Variants in RBM26 observed in about 807,000 individuals in gnomAD.
The protein encoded by RBM26 is RNA binding motif protein 26, also known as RNA-binding protein 26.
In RBM26, 30 loss-of-function variants were observed where a neutral mutation model predicts 123.6. That is an observed-to-expected ratio of 0.24 (90% CI 0.18 to 0.33). The LOEUF (loss-of-function observed/expected upper bound fraction) is 0.33. Among genes scored for constraint, RBM26 ranks in the 10% least tolerant of loss-of-function variants. RBM26 has a pLI of 1.00. For synonymous variants in RBM26, 400 were observed against 404.4 expected (o/e 0.99, Z 0.13); for missense variants, 947 against 1,203.6 (o/e 0.79, Z 3.15).
exon 5 of RBM26, chr13:79,313,353 CTTTGTT>C (rs2066953230): frequency 1.8e-5 from 2 of 109,846 alleles, no homozygotes; most frequent in South Asian, 6.1e-4. Context: ...TTTTGTTTTG[CTTTGTT>C]TTTAATTTTA....
intron 1 of RBM26, among the ~76,000 whole-genome samples, chr13:79,396,965 A>ATGACC (rs956804549): frequency 1.3e-5 from 2 of 152,214 alleles, no homozygotes; most frequent in African/African-American, 4.8e-5. Context: ...AGATCACCTG[A>ATGACC]GGTCAGGAGT....
chr13:79,319,377 T>G lies in RBM26; in HGVS notation c.*1244A>C. 1.0e-6 allele frequency: 1 copy of G among 984,490 alleles called. No homozygotes were observed. The highest frequency in any genetic ancestry group is 1.2e-6 in the Non-Finnish European group (1 of 829,246). 61.0% of individuals were successfully genotyped at this position (984,490 alleles called of 1,614,324 possible). A position where few individuals can be genotyped will look rare whatever the true frequency, so the allele number is the denominator to read the frequency against. ...TCTCCCACCCCCATTCTACAAAGAA[T>G]GCATTTATTTCCTGGAAACTGCCAT... On this transcript the variant is annotated 3_prime_UTR_variant, in exon 22 of 22. Coordinates refer to ENST00000438737, the MANE Select transcript of RBM26 (RefSeq NM_001366735.2).
In RBM26 at chr13:79,365,701, C is replaced by T. The variant is rs1355184271; in HGVS notation, c.1294G>A (p.Gly432Ser). 4 of 1,613,488 alleles carry T rather than the reference C, an allele frequency of 2.5e-6. No individual in the cohort carries two copies. Among genetic ancestry groups the T allele is most frequent in the Non-Finnish European group, 3.4e-6 (4 of 1,179,674 alleles). The change falls in exon 9 of 22, where the codon GGC becomes AGC. Residue 432 changes from glycine (G) to serine (S), a missense_variant. By Grantham distance (56) the Gly-to-Ser change is moderately conservative. Around this residue, in one of 5 missense-constraint regions of RBM26, gnomAD observed 493 missense variants for 563.1 expected, o/e 0.88. Coordinates refer to ENST00000438737, the MANE Select transcript of RBM26 (RefSeq NM_001366735.2). ...LFTADTYDTD[G>S]YNPEAPSITN... ...ATGCTTGGGGCTTCAGGATTGTAGC[C>T]ATCTGTGTCATATGTATCTGGTAAT...
At chr13:79,392,039 A>T (rs1292945572) in intron 1 of RBM26, among the ~76,000 whole-genome samples, 1 of 99,004 alleles carries the variant, frequency 1.0e-5, no homozygotes, top group Non-Finnish European at 2.1e-5. Flanking sequence ...ATTATATATT[A>T]TACAATACAT....
chr13:79,396,027 C>G lies in RBM26; in HGVS notation c.71+9677G>C, dbSNP rs187712126. 2.1e-3 allele frequency among the ~76,000 whole-genome samples: 326 copies of G among 152,214 alleles called. 1 individual carries two copies. Among genetic ancestry groups the G allele is most frequent in the Admixed American group, 6.1e-3 (93 of 15,298 alleles). On this transcript the variant is annotated intron_variant, in intron 1 of 21. Coordinates refer to ENST00000438737, the MANE Select transcript of RBM26 (RefSeq NM_001366735.2). ...GATAAAACACATAAACACAGACAGA[C>G]AAGCCTATCATCGTCAAACTGCTGA...
In RBM26 at chr13:79,377,363, T is replaced by C. The variant is rs1167501580; in HGVS notation, c.327+16A>G. The C allele has an allele frequency of 1.9e-6, 3 of 1,607,726 alleles. No individual in the cohort carries two copies. In the Admixed American group the frequency reaches 5.0e-5, roughly 27 times the overall value. ...TGTGTTTAAATAACCTGTAAGGTATTAACACAAATCGTTACCTCTTCCTTC... is the reference window on the plus strand; with the variant it reads ...TGTGTTTAAATAACCTGTAAGGTATCAACACAAATCGTTACCTCTTCCTTC... On this transcript the variant is annotated intron_variant, in intron 3 of 21. Transcript: ENST00000438737.
chr13:79,333,007 T>C (rs1306457017), intron 20 of RBM26, among the ~76,000 whole-genome samples: 1 of 152,096 alleles, frequency 6.6e-6, no homozygotes, highest in Non-Finnish European at 1.5e-5. Flanking sequence ...AATACCACTA[T>C]TCCCTAGAAA....
At chr13:79,362,361 T>A (rs1221459895) in intron 9 of RBM26, among the ~76,000 whole-genome samples, 1 of 152,146 alleles carries the variant, frequency 6.6e-6, no homozygotes, top group Non-Finnish European at 1.5e-5. Flanking sequence ...TCATTTCTAT[T>A]ATTACCCTAG....
intron 11 of RBM26, among the ~76,000 whole-genome samples, chr13:79,357,138 G>A (rs368174002): frequency 1.1e-4 from 17 of 152,154 alleles, no homozygotes; most frequent in East Asian, 7.7e-4. Context: ...ATTATAGATG[G>A]GCAGGGGAAT....
At chr13:79,377,303 T>C (rs1444496705) in intron 3 of RBM26, 76 bp downstream of exon 3, 8 of 1,308,374 alleles carry the variant, frequency 6.1e-6, no homozygotes, top group Non-Finnish European at 2.2e-6. Context: ...CACAAAGATA[T>C]AGAAGATAAA....
At chr13:79,331,539 C>A (rs1382054748) in intron 20 of RBM26, among the ~76,000 whole-genome samples, 2 of 150,110 alleles carry the variant, frequency 1.3e-5, no homozygotes. Flanking sequence ...GAGGCTGAGG[C>A]AGGAGAATGG....
At chr13:79,354,977 C>T (rs1371773856) in intron 12 of RBM26, among the ~76,000 whole-genome samples, 4 of 152,174 alleles carry the variant, frequency 2.6e-5, no homozygotes, top group South Asian at 2.1e-4. Context: ...CTATCTGCCA[C>T]GGACTATTCC....
intron 1 of RBM26, among the ~76,000 whole-genome samples, chr13:79,380,421 ATAAAC>A (rs988840231): frequency 4.6e-5 from 7 of 152,158 alleles, no homozygotes; most frequent in African/African-American, 1.7e-4. Flanking sequence ...GGAAGGATAA[ATAAAC>A]TACGGCTATC....
At chr13:79,337,667 A>G (rs976906550) in intron 18 of RBM26, among the ~76,000 whole-genome samples, 1 of 152,234 alleles carries the variant, frequency 6.6e-6, no homozygotes, top group Admixed American at 6.5e-5. Context: ...CTACATTCAC[A>G]ATAAATACAT....
intron 11 of RBM26, among the ~76,000 whole-genome samples, chr13:79,356,325 T>C (rs1465462771): frequency 7.1e-6 from 1 of 140,848 alleles, no homozygotes; most frequent in African/African-American, 2.6e-5. Flanking sequence ...ACCGTAATCA[T>C]GCCACCTCAC....
chr13:79,371,535 T>G (rs962582308), intron 4 of RBM26, among the ~76,000 whole-genome samples: 1 of 151,876 alleles, frequency 6.6e-6, no homozygotes, highest in Non-Finnish European at 1.5e-5. Context: ...AGAAAAACAA[T>G]TTAATCACAC....
chr13:79,327,129 C>T (rs1183120800), intron 20 of RBM26, among the ~76,000 whole-genome samples: 1 of 151,814 alleles, frequency 6.6e-6, no homozygotes, highest in Non-Finnish European at 1.5e-5. Context: ...GACCCCATCT[C>T]TACAAAAAAT....
chr13:79,335,519 A>G (rs1023161067), intron 19 of RBM26, among the ~76,000 whole-genome samples: 3 of 152,138 alleles, frequency 2.0e-5, no homozygotes, highest in African/African-American at 7.2e-5. Context: ...GTCCTTTAAC[A>G]TCACATATAT....
rs760896359 is a variant in RBM26, at chr13:79,337,279, T to G, written c.2556A>C (p.Ser852=). The change falls in exon 19 of 22, where the codon TCA becomes TCC. Residue 852 remains serine, a synonymous_variant. Transcript: ENST00000438737. ...AATGAATTCCTCTGCCCCGACCAGATGAAAGAATCCCTCGTTTGGCAGCCT... is the reference window on the plus strand; with the variant it reads ...AATGAATTCCTCTGCCCCGACCAGAGGAAAGAATCCCTCGTTTGGCAGCCT... ...QLEAAKRGIL[S]SGRGRGIHSR... The G allele has an allele frequency of 6.2e-7, 1 of 1,614,126 alleles. No individual in the cohort carries two copies. The highest frequency in any genetic ancestry group is 8.5e-7 in the Non-Finnish European group (1 of 1,179,998).
Sources: gnomAD v4.1 joint callset for allele counts (sites outside exome capture counted in the v4.1 genomes callset) on GRCh38, gnomAD v4.1.1 for gene constraint, gnomAD v4.1.1 regional missense constraint, MANE v1.5 for transcripts, NCBI Gene and HGNC (gene_info 2026-07-23, HGNC 2026-07-21) for gene names.